The following CDH26 variants were observed in gnomAD, a reference collection of about 807,000 sequenced individuals.
The protein encoded by CDH26 is cadherin-like protein 26.
In CDH26, 83 loss-of-function variants were observed where a neutral mutation model predicts 90.3. The observed-to-expected ratio is 0.92, with a 90% confidence interval of 0.77 to 1.10. CDH26 has a LOEUF of 1.10. CDH26 is among the 50% of genes least tolerant of loss of function. The pLI, the probability that CDH26 is intolerant of heterozygous loss-of-function variation, is 0.00. For missense variants in CDH26, 1,013 were observed against 1,037.6 expected, an observed-to-expected ratio of 0.98 and a Z score of 0.33; for synonymous variants, 397 against 396.3, an observed-to-expected ratio of 1.00 and a Z score of -0.02.
At chr20:60,001,500 C>A (rs562290062) in intron 15 of CDH26, 89 bp downstream of exon 15, 2 of 1,529,432 alleles carry the variant, frequency 1.3e-6, no homozygotes, top group South Asian at 1.2e-5. Context: ...GTAGAAGATT[C>A]GGTGATACTG....
chr20:59,981,207 C>T (rs1479334567), intron 4 of CDH26, among the ~76,000 whole-genome samples: 2 of 152,014 alleles, frequency 1.3e-5, no homozygotes, highest in Non-Finnish European at 2.9e-5. Flanking sequence ...AATGATTTTG[C>T]GTATTCAAAT....
At position 60,002,809 on chromosome 20, in the gene CDH26, T is replaced by C; in HGVS notation, c.2167-4T>C. On this transcript the variant is annotated splice_region_variant and splice_polypyrimidine_tract_variant and intron_variant, in intron 15 of 17. Coordinates refer to ENST00000348616, the MANE Select transcript of CDH26 (RefSeq NM_177980.4). ...AATCAGTAAATATTTCATCTTTCTT[T>C]AAGGGTTATGGCAAGCCCTTTGAGC... The C allele has an allele frequency of 6.3e-7, 1 of 1,590,384 alleles. No homozygotes were observed. Among genetic ancestry groups the C allele is most frequent in the Non-Finnish European group, 8.6e-7 (1 of 1,166,092 alleles).
At chr20:59,958,858 C>T in intron 1 of CDH26, 63 bp downstream of exon 1, 2 of 1,527,920 alleles carry the variant, frequency 1.3e-6, no homozygotes, top group South Asian at 1.2e-5. Context: ...ACAAGCTGGC[C>T]CTGCCCCTTC....
At chr20:59,981,153 A>C (rs1214460213) in intron 4 of CDH26, among the ~76,000 whole-genome samples, 2 of 152,266 alleles carry the variant, frequency 1.3e-5, no homozygotes, top group Non-Finnish European at 2.9e-5. Flanking sequence ...ATAAATCTTG[A>C]AATTATATAG....
At chr20:59,978,439 G>A (rs1167414853) in intron 4 of CDH26, among the ~76,000 whole-genome samples, 1 of 151,222 alleles carries the variant, frequency 6.6e-6, no homozygotes, top group African/African-American at 2.4e-5. Context: ...GCAATGGGGT[G>A]ATCTCGGCTC....
At chr20:60,028,222 C>T (rs2062014068) in intron 7 of CDH26, among the ~76,000 whole-genome samples, 1 of 152,246 alleles carries the variant, frequency 6.6e-6, no homozygotes, top group Non-Finnish European at 1.5e-5. Context: ...CCCACTCACT[C>T]TTGCAACCAC....
chr20:59,972,883 A>G (rs1457438489), intron 4 of CDH26, among the ~76,000 whole-genome samples: 1 of 152,228 alleles, frequency 6.6e-6, no homozygotes, highest in Non-Finnish European at 1.5e-5. Context: ...CAAAGTACTT[A>G]TATACACAAT....
At chr20:59,995,029 TCAA>T (rs2061575549) in intron 11 of CDH26, among the ~76,000 whole-genome samples, 2 of 152,222 alleles carry the variant, frequency 1.3e-5, no homozygotes, top group African/African-American at 2.4e-5. Flanking sequence ...GCATCCACTG[TCAA>T]CACTCTCTTC....
intron 4 of CDH26, among the ~76,000 whole-genome samples, chr20:59,978,220 T>G (rs1193300902): frequency 6.6e-6 from 1 of 152,168 alleles, no homozygotes; most frequent in Admixed American, 6.5e-5. Context: ...GGTTGTCAGG[T>G]GCACATACAT....
intron 15 of CDH26, 50 bp downstream of exon 15, chr20:60,001,461 A>G (rs1167522381): frequency 6.2e-7 from 1 of 1,603,318 alleles, no homozygotes. Context: ...CTAGTGACTA[A>G]CAGTTGGTCC....
intron 14 of CDH26, among the ~76,000 whole-genome samples, chr20:60,000,630 A>G (rs1359090239): frequency 6.6e-6 from 1 of 152,168 alleles, no homozygotes; most frequent in East Asian, 1.9e-4. Context: ...ACCAGAACCC[A>G]TAGGGGCGTG....
chr20:59,958,695 G>T lies in CDH26; in HGVS notation c.-32G>T, dbSNP rs747459833. 1.9e-6 allele frequency: 3 copies of T among 1,610,108 alleles called. No homozygotes were observed. Among genetic ancestry groups the T allele is most frequent in the Non-Finnish European group, 2.6e-6 (3 of 1,176,458 alleles). On this transcript the variant is annotated 5_prime_UTR_variant, in exon 1 of 18. Transcript: ENST00000348616. ...CAGCTTGGAGGACTGGTCATCAGCT[G>T]CACGTTCTGGGTCTGTCTTGGGTAT...
chr20:59,961,208 G>C (rs1285747306), intron 1 of CDH26, among the ~76,000 whole-genome samples: 1 of 151,866 alleles, frequency 6.6e-6, no homozygotes, highest in Non-Finnish European at 1.5e-5. Context: ...CCCACAATGA[G>C]TCTGATCAGG....
intron 17 of CDH26, among the ~76,000 whole-genome samples, chr20:60,010,436 C>T (rs780592074): frequency 2.0e-5 from 3 of 152,138 alleles, no homozygotes; most frequent in Non-Finnish European, 2.9e-5. Flanking sequence ...GTAGAACTGG[C>T]GCTGGGTTCA....
chr20:60,010,370 C>T (rs1277648335), intron 17 of CDH26, among the ~76,000 whole-genome samples: 2 of 152,192 alleles, frequency 1.3e-5, no homozygotes, highest in Non-Finnish European at 2.9e-5. Flanking sequence ...CTCAGAATTA[C>T]TATCAGCAGT....
chr20:59,985,907 TC>T (rs774046789), intron 7 of CDH26: 1 of 152,260 alleles, frequency 6.6e-6, no homozygotes, highest in African/African-American at 2.4e-5. Flanking sequence ...GACAGGGAAT[TC>T]CTGTTTACTT....
At chr20:60,001,843 C>T (rs1391186642) in intron 15 of CDH26, among the ~76,000 whole-genome samples, 1 of 152,192 alleles carries the variant, frequency 6.6e-6, no homozygotes, top group East Asian at 1.9e-4. Flanking sequence ...CATACAAATT[C>T]CAGGACTATT....
In CDH26 at chr20:60,012,508, T is replaced by C. The variant is rs2061858900; in HGVS notation, c.2296-19T>C. 1 of 1,607,506 alleles carries C rather than the reference T, an allele frequency of 6.2e-7. No homozygotes were observed. The highest frequency in any genetic ancestry group is 8.5e-7 in the Non-Finnish European group (1 of 1,176,290). ...GAAGCACATGGCATTTACCTTCTCT[T>C]TCCCCCACTTTTCCCCAGAAACTCC... On this transcript the variant is annotated intron_variant, in intron 17 of 17. Coordinates refer to ENST00000348616, the MANE Select transcript of CDH26 (RefSeq NM_177980.4).
chr20:59,992,319 T>C lies in CDH26; in HGVS notation c.1284-59T>C. The C allele has an allele frequency of 2.6e-6, 4 of 1,537,730 alleles. No individual in the cohort carries two copies. In the South Asian group the frequency reaches 4.9e-5, roughly 19 times the overall value. Reference sequence around the variant, plus strand: ...ATATTTTGTTTTTTTATGCAACTTTTTTATCTTTTAATGTAAGTTTTTAAT... The same window carrying C: ...ATATTTTGTTTTTTTATGCAACTTTCTTATCTTTTAATGTAAGTTTTTAAT... On this transcript the variant is annotated intron_variant, in intron 9 of 17. Transcript: ENST00000348616. The surrounding 1 kb of genome is among the most constrained non-coding windows in gnomAD (Gnocchi z 5.0).
Sources: gnomAD v4.1 joint callset for allele counts (sites outside exome capture counted in the v4.1 genomes callset) on GRCh38, gnomAD v4.1.1 for gene constraint, Gnocchi (gnomAD v3.1) non-coding constraint, MANE v1.5 for transcripts, NCBI Gene and HGNC (gene_info 2026-07-23, HGNC 2026-07-21) for gene names.